Variants in KLHL32 observed in about 807,000 individuals in gnomAD.
KLHL32 encodes kelch-like protein 32.
KLHL32 carries 35 observed loss-of-function variants against 64.8 expected under a neutral mutation model. The ratio of observed to expected loss-of-function variants is 0.54; its 90% CI spans 0.41 to 0.72. KLHL32 has a LOEUF of 0.72. KLHL32 is among the 30% of genes least tolerant of loss of function. The pLI, the probability that KLHL32 is intolerant of heterozygous loss-of-function variation, is 0.00. For synonymous variants in KLHL32, 259 were observed against 281.0 expected (o/e 0.92, Z 0.78); for missense variants, 589 against 768.5 (o/e 0.77, Z 2.76).
At chr6:96,930,549 T>G (rs1343949818) in intron 1 of KLHL32, among the ~76,000 whole-genome samples, 1 of 152,138 alleles carries the variant, frequency 6.6e-6, no homozygotes, top group African/African-American at 2.4e-5. Context: ...ATTAATTCCT[T>G]CCCTCTGCCT....
At chr6:96,953,003 A>C (rs1021327051) in intron 1 of KLHL32, among the ~76,000 whole-genome samples, 4 of 152,134 alleles carry the variant, frequency 2.6e-5, no homozygotes, top group African/African-American at 9.7e-5. Context: ...CTGCCTGCTA[A>C]CTTACCATAA....
chr6:97,089,737 G>A (rs894660698), intron 6 of KLHL32, among the ~76,000 whole-genome samples: 5 of 149,216 alleles, frequency 3.4e-5, no homozygotes, highest in Non-Finnish European at 5.9e-5. Flanking sequence ...TGGAGATTGC[G>A]CCACTACACT....
intron 3 of KLHL32, among the ~76,000 whole-genome samples, chr6:97,040,572 A>T (rs1455970407): frequency 6.6e-6 from 1 of 152,126 alleles, no homozygotes; most frequent in African/African-American, 2.4e-5. Context: ...GGGCCCTGAG[A>T]GTCTGTACTC....
At chr6:97,103,953 C>G (rs1054127304) in intron 6 of KLHL32, among the ~76,000 whole-genome samples, 7 of 152,158 alleles carry the variant, frequency 4.6e-5, no homozygotes, top group Non-Finnish European at 1.0e-4. Flanking sequence ...AAGGAGGAGA[C>G]TCTCTCATCA....
chr6:97,120,202 A>G (rs1798218635), intron 7 of KLHL32, among the ~76,000 whole-genome samples: 1 of 152,046 alleles, frequency 6.6e-6, no homozygotes, highest in Non-Finnish European at 1.5e-5. Flanking sequence ...ATGAGAAGGG[A>G]GGGACCCTTA....
intron 3 of KLHL32, among the ~76,000 whole-genome samples, chr6:96,991,588 A>G (rs188170318): frequency 1.2e-3 from 172 of 142,120 alleles, no homozygotes; most frequent in African/African-American, 4.3e-3. Flanking sequence ...AGGTGGAGAG[A>G]TCCTGCCCAT....
At chr6:96,973,741 T>TTTTTTTTTTTTTTTTA (rs3032640) in intron 2 of KLHL32, among the ~76,000 whole-genome samples, 2 of 149,550 alleles carry the variant, frequency 1.3e-5, no homozygotes, top group South Asian at 2.1e-4. Context: ...TTTTTTTTTT[T>TTTTTTTTTTTTTTTTA]AGACAGAGTC....
chr6:96,968,358 C>CA (rs1393078966), intron 2 of KLHL32, among the ~76,000 whole-genome samples: 13 of 148,884 alleles, frequency 8.7e-5, no homozygotes, highest in African/African-American at 2.5e-4. Context: ...CCCCCTACAG[C>CA]AAAAAACAAA....
At chr6:97,010,762 A>G (rs1431707123) in intron 3 of KLHL32, among the ~76,000 whole-genome samples, 1 of 152,250 alleles carries the variant, frequency 6.6e-6, no homozygotes, top group Non-Finnish European at 1.5e-5. Flanking sequence ...GAACTTTTGA[A>G]TATAAAAAAG....
chr6:97,107,248 G>A (rs930906420), intron 6 of KLHL32, among the ~76,000 whole-genome samples: 7 of 151,686 alleles, frequency 4.6e-5, no homozygotes, highest in African/African-American at 4.9e-5. Flanking sequence ...AGCCGAGATC[G>A]CGCCACTGCA....
At chr6:96,968,642 C>G (rs1443778808) in intron 2 of KLHL32, among the ~76,000 whole-genome samples, 1 of 152,146 alleles carries the variant, frequency 6.6e-6, no homozygotes, top group East Asian at 1.9e-4. Flanking sequence ...GATGTTCTCT[C>G]CTTCTCTGCT....
intron 4 of KLHL32, among the ~76,000 whole-genome samples, chr6:97,048,075 C>T (rs1161052926): frequency 6.6e-6 from 1 of 152,198 alleles, no homozygotes; most frequent in Non-Finnish European, 1.5e-5. Context: ...TAGTTAGCTT[C>T]CTCTTAATTT....
chr6:97,122,786 G>A (rs62413909), intron 7 of KLHL32, among the ~76,000 whole-genome samples: 2 of 152,204 alleles, frequency 1.3e-5, no homozygotes, highest in Non-Finnish European at 2.9e-5. Context: ...TGCATATGAG[G>A]AAGCTGAGCA....
chr6:96,995,932 C>T (rs1778368888), intron 3 of KLHL32, among the ~76,000 whole-genome samples: 1 of 152,224 alleles, frequency 6.6e-6, no homozygotes, highest in African/African-American at 2.4e-5. Flanking sequence ...CAACTAAACA[C>T]TAGTGAAGTC....
the KLHL32 span, among the ~76,000 whole-genome samples, chr6:96,913,005 T>A: frequency 2.6e-5 from 4 of 152,354 alleles, no homozygotes; most frequent in Non-Finnish European, 5.9e-5. Flanking sequence ...TGAATGAATA[T>A]AGATGCAAAA....
chr6:97,086,674 A>AT (rs1793463662), intron 6 of KLHL32, among the ~76,000 whole-genome samples: 1 of 152,182 alleles, frequency 6.6e-6, no homozygotes, highest in African/African-American at 2.4e-5. Flanking sequence ...TAAAGAATAA[A>AT]TTTTTTGTGG....
At chr6:97,102,594 T>C (rs1173005670) in intron 6 of KLHL32, among the ~76,000 whole-genome samples, 2 of 152,172 alleles carry the variant, frequency 1.3e-5, no homozygotes, top group Non-Finnish European at 2.9e-5. Flanking sequence ...CAGCCATCAA[T>C]GACTAGATGG....
intron 3 of KLHL32, among the ~76,000 whole-genome samples, chr6:96,978,902 T>C (rs1775995924): frequency 1.3e-5 from 2 of 152,126 alleles, no homozygotes; most frequent in Non-Finnish European, 2.9e-5. Flanking sequence ...TTAGTAATGT[T>C]GAGCACTTTT....
intron 5 of KLHL32, among the ~76,000 whole-genome samples, chr6:97,070,859 A>T (rs992038633): frequency 6.6e-6 from 1 of 152,170 alleles, no homozygotes. Context: ...AATACTTGGA[A>T]ATTGGTGGGG....
Sources: gnomAD v4.1 joint callset for allele counts (sites outside exome capture counted in the v4.1 genomes callset) on GRCh38, gnomAD v4.1.1 for gene constraint, MANE v1.5 for transcripts, NCBI Gene and HGNC (gene_info 2026-07-23, HGNC 2026-07-21) for gene names.